Variants in SSH2 observed in about 807,000 individuals in gnomAD.
The protein encoded by SSH2 is slingshot protein phosphatase 2.
In SSH2, 37 loss-of-function variants were observed where a neutral mutation model predicts 135.2. That is an observed-to-expected ratio of 0.27 (90% CI 0.21 to 0.36). The LOEUF is 0.36. Ranked by LOEUF, SSH2 falls within the 10% of genes least tolerant of loss-of-function variation. The pLI is 1.00. For missense variants in SSH2, 1,408 were observed against 1,765.3 expected (o/e 0.80, Z 3.63); for synonymous variants, 628 against 646.2 (o/e 0.97, Z 0.43).
intron 6 of SSH2, among the ~76,000 whole-genome samples, chr17:29,681,896 T>C (rs1424257764): frequency 6.6e-6 from 1 of 152,206 alleles, no homozygotes; most frequent in African/African-American, 2.4e-5. Flanking sequence ...TGAGACTTCT[T>C]ACTGTCCAAG....
chr17:29,812,449 A>T (rs1465639594), intron 2 of SSH2, among the ~76,000 whole-genome samples: 1 of 151,948 alleles, frequency 6.6e-6, no homozygotes, highest in African/African-American at 2.4e-5. Flanking sequence ...ATGCTTGACT[A>T]ACTTTTTAAT....
At chr17:29,736,521 C>A (rs752387111) in intron 3 of SSH2, among the ~76,000 whole-genome samples, 1 of 152,164 alleles carries the variant, frequency 6.6e-6, no homozygotes, top group Non-Finnish European at 1.5e-5. Context: ...GGCGCGGTGG[C>A]TCACGCCTAT....
In SSH2 at chr17:29,631,428, C is replaced by T. The variant is rs374647405; in HGVS notation, c.3766G>A (p.Gly1256Ser). The T allele has an allele frequency of 4.0e-5, 65 of 1,614,024 alleles. No individual in the cohort carries two copies. Among genetic ancestry groups the T allele is most frequent in the Middle Eastern group, 3.3e-4 (2 of 6,084 alleles). ...ENIKSLSHSP[G>S]VVKERAKEIE... ...TCTTTAGCACGCTCCTTCACCACAC[C>T]GGGGCTGTGGCTGAGACTCTTTATG... Residue 1256 changes from glycine to serine, a missense_variant, in exon 16 of 16, where the codon GGT becomes AGT. Gly to Ser is a moderately conservative substitution (Grantham distance 56). Around this residue, in one of 3 missense-constraint regions of SSH2, gnomAD observed 1,080 missense variants for 1,144.5 expected, o/e 0.94. Coordinates refer to ENST00000540801, the MANE Select transcript of SSH2 (RefSeq NM_001282129.2).
At chr17:29,742,256 G>A (rs116527195) in intron 3 of SSH2, among the ~76,000 whole-genome samples, 4 of 150,700 alleles carry the variant, frequency 2.7e-5, no homozygotes, top group East Asian at 3.9e-4. Flanking sequence ...AGACTAGTTC[G>A]GTTAAAAACA....
At chr17:29,893,396 T>C (rs1339713992) in intron 1 of SSH2, among the ~76,000 whole-genome samples, 3 of 152,132 alleles carry the variant, frequency 2.0e-5, no homozygotes, top group African/African-American at 7.2e-5. Flanking sequence ...GGTCAGGCCT[T>C]CAGGAAGTAA....
rs745989958 is a variant in SSH2 at position 29,630,710 on chromosome 17, C to T, written c.*131G>A. 1 of 943,202 alleles carries T rather than the reference C, an allele frequency of 1.1e-6. No homozygotes were observed. Among genetic ancestry groups the T allele is most frequent in the Non-Finnish European group, 1.6e-6 (1 of 633,088 alleles). 58.4% of individuals were successfully genotyped at this position (943,202 alleles called of 1,614,324 possible). On this transcript the variant is annotated 3_prime_UTR_variant, in exon 16 of 16. Coordinates refer to ENST00000540801, the MANE Select transcript of SSH2 (RefSeq NM_001282129.2). ...ATACACACTGAAAAACACCCAAACC[C>T]TGCATGCACCAGAAACAGTAAAATG... is the stretch of plus-strand genomic sequence containing the variant.
rs142229058 is a variant in SSH2 at position 29,746,110 on chromosome 17, T to C, written c.189-43048A>G. Among the ~76,000 whole-genome samples the C allele has an allele frequency of 3.2e-3, 487 of 152,296 alleles. 2 individuals carry two copies. The highest frequency in any genetic ancestry group is 5.9e-3 in the Non-Finnish European group (399 of 68,020). On this transcript the variant is annotated intron_variant, in intron 3 of 15. Transcript: ENST00000540801. ...TTAACACAATGATAGATATCAAGTC[T>C]GTTCAAAGGGACTTCAAAGAGGTTC...
At chr17:29,782,788 G>A (rs1283397606) in intron 3 of SSH2, among the ~76,000 whole-genome samples, 1 of 152,132 alleles carries the variant, frequency 6.6e-6, no homozygotes, top group East Asian at 1.9e-4. Flanking sequence ...GTTTCGCCAT[G>A]TTGGCCAGGC....
intron 2 of SSH2, among the ~76,000 whole-genome samples, chr17:29,822,901 G>A (rs911334829): frequency 1.3e-5 from 2 of 152,160 alleles, no homozygotes; most frequent in African/African-American, 2.4e-5. Context: ...AGTATTAGTG[G>A]TGAACTGAAA....
In SSH2 at chr17:29,855,420, G is replaced by A. The variant is rs144127985; in HGVS notation, c.64-6491C>T. 1.6e-3 allele frequency among the ~76,000 whole-genome samples: 239 copies of A among 152,056 alleles called. 1 individual carries two copies. The highest frequency in any genetic ancestry group is 5.4e-3 in the African/African-American group (226 of 41,482). On this transcript the variant is annotated intron_variant, in intron 1 of 15. Transcript: ENST00000540801. ...CTCAGGGGGCTGAGGTCGGAGGATCGCCTGAGCTCAGGAAGTTGAGGCTGC... is the reference window on the plus strand; with the variant it reads ...CTCAGGGGGCTGAGGTCGGAGGATCACCTGAGCTCAGGAAGTTGAGGCTGC...
rs374109483 is a variant in SSH2, at chr17:29,682,048, T to C, written c.479+2515A>G. 1.2e-4 allele frequency among the ~76,000 whole-genome samples: 19 copies of C among 152,362 alleles called. No individual in the cohort carries two copies. In the East Asian group the frequency reaches 2.3e-3, roughly 19 times the overall value. ...CCTTTGGCTAGTGACACTGGTCAGA[T>C]ATGATTCAGACAGGGCCATTGGCAA... On this transcript the variant is annotated intron_variant, in intron 6 of 15. Transcript: ENST00000540801.
At chr17:29,773,661 A>C (rs2041634512) in intron 3 of SSH2, among the ~76,000 whole-genome samples, 1 of 152,116 alleles carries the variant, frequency 6.6e-6, no homozygotes, top group Non-Finnish European at 1.5e-5. Context: ...AGTTTGAGAG[A>C]TCATTTGGGT....
At chr17:29,802,189 A>G (rs1046084741) in intron 2 of SSH2, among the ~76,000 whole-genome samples, 2 of 151,438 alleles carry the variant, frequency 1.3e-5, no homozygotes, top group African/African-American at 4.9e-5. Context: ...ATATTCATTC[A>G]TTCTCATTCA....
chr17:29,792,725 G>A (rs921608968), intron 3 of SSH2, among the ~76,000 whole-genome samples: 1 of 152,212 alleles, frequency 6.6e-6, no homozygotes, highest in Non-Finnish European at 1.5e-5. Flanking sequence ...AGCCCAAGCT[G>A]GAGTGCAGTG....
intron 2 of SSH2, among the ~76,000 whole-genome samples, chr17:29,811,084 C>T (rs1200921596): frequency 1.3e-5 from 2 of 152,120 alleles, no homozygotes; most frequent in Non-Finnish European, 2.9e-5. Context: ...CAACCTCTGC[C>T]TCCTGGGTTC....
At position 29,930,132 on chromosome 17, in the gene SSH2, G is replaced by A; in HGVS notation, c.-132C>T. 1 of 832,560 alleles carries A rather than the reference G, an allele frequency of 1.2e-6. No individual in the cohort carries two copies. Among genetic ancestry groups the A allele is most frequent in the Non-Finnish European group, 1.9e-6 (1 of 538,056 alleles). The allele number at this position is 832,560 out of a possible 1,614,324, so 51.6% of individuals were successfully genotyped here. On this transcript the variant is annotated 5_prime_UTR_variant, in exon 1 of 16. Coordinates refer to ENST00000540801, the MANE Select transcript of SSH2 (RefSeq NM_001282129.2). ...GGAACGGGGAGGAGGAGGAGGCCGC[G>A]GGAACGGCCGCAGACTCCGCACCCA...
chr17:29,895,208 TTA>T (rs1297982316), intron 1 of SSH2, among the ~76,000 whole-genome samples: 8 of 143,172 alleles, frequency 5.6e-5, no homozygotes, highest in African/African-American at 1.8e-4. Flanking sequence ...ATATTATATA[TTA>T]TATATATTTT....
At chr17:29,658,163 C>G (rs1190109046) in intron 11 of SSH2, among the ~76,000 whole-genome samples, 1 of 151,888 alleles carries the variant, frequency 6.6e-6, no homozygotes, top group African/African-American at 2.4e-5. Context: ...ACCACCACAC[C>G]CAGCTAGTTT....
intron 1 of SSH2, among the ~76,000 whole-genome samples, chr17:29,881,442 C>T (rs534742112): frequency 6.6e-6 from 1 of 152,130 alleles, no homozygotes; most frequent in East Asian, 1.9e-4. Flanking sequence ...TCCTGTCTTT[C>T]TTTTGTTTGT....
Sources: allele counts gnomAD v4.1 joint callset (sites outside exome capture counted in the v4.1 genomes callset), GRCh38; gene constraint gnomAD v4.1.1; regional missense constraint gnomAD v4.1.1; transcripts MANE v1.5; gene names NCBI Gene and HGNC (gene_info 2026-07-23, HGNC 2026-07-21).